Variants in NR6A1 observed in about 807,000 individuals in gnomAD.
The protein encoded by NR6A1 is retinoic acid receptor-related testis-associated receptor.
In NR6A1, 7 loss-of-function variants were observed where a neutral mutation model predicts 59.1. The ratio of observed to expected loss-of-function variants is 0.12; its 90% CI spans 0.07 to 0.22. The LOEUF is 0.22. Among genes scored for constraint, NR6A1 ranks in the 10% least tolerant of loss-of-function variants. The pLI is 1.00. For missense variants in NR6A1, 468 were observed against 611.6 expected (o/e 0.77, Z 2.48); for synonymous variants, 243 against 236.1 (o/e 1.03, Z -0.27).
intron 2 of NR6A1, among the ~76,000 whole-genome samples, chr9:124,555,580 C>T (rs1370077309): frequency 6.6e-6 from 1 of 152,204 alleles, no homozygotes; most frequent in East Asian, 1.9e-4. Context: ...TGCACCACTG[C>T]ATTCCAGCCT....
At chr9:124,711,096 A>G (rs1839266625) in intron 2 of NR6A1, among the ~76,000 whole-genome samples, 1 of 151,698 alleles carries the variant, frequency 6.6e-6, no homozygotes, top group South Asian at 2.1e-4. Context: ...CTATTTGTAC[A>G]TAATAGTCCA....
chr9:124,724,494 G>A (rs1839655847), intron 2 of NR6A1, among the ~76,000 whole-genome samples: 1 of 150,054 alleles, frequency 6.7e-6, no homozygotes, highest in African/African-American at 2.5e-5. Flanking sequence ...TACTTTCCTT[G>A]GGATTATATC....
intron 2 of NR6A1, among the ~76,000 whole-genome samples, chr9:124,630,137 ATC>A: frequency 6.6e-6 from 1 of 151,918 alleles, no homozygotes; most frequent in Admixed American, 6.6e-5. Flanking sequence ...ATCATACAAT[ATC>A]TAGAATTAAA....
intron 2 of NR6A1, chr9:124,599,670 G>A: frequency 9.8e-7 from 1 of 1,022,722 alleles, no homozygotes; most frequent in Non-Finnish European, 1.3e-6. Context: ...TTCCCTCTGC[G>A]TCTGGCCATG....
intron 2 of NR6A1, among the ~76,000 whole-genome samples, chr9:124,632,182 C>A (rs1731709474): frequency 1.3e-5 from 2 of 152,110 alleles, no homozygotes; most frequent in Admixed American, 6.6e-5. Context: ...TGGAAATATG[C>A]CCAGTAATGG....
chr9:124,575,995 GT>G (rs1834579259), intron 2 of NR6A1, among the ~76,000 whole-genome samples: 1 of 152,192 alleles, frequency 6.6e-6, no homozygotes, highest in Non-Finnish European at 1.5e-5. Flanking sequence ...ATTCATCTGA[GT>G]GAGCTTCTAA....
chr9:124,733,380 C>T (rs1437129945), intron 1 of NR6A1, 31 bp from the exon 2 acceptor site: 8 of 1,566,320 alleles, frequency 5.1e-6, no homozygotes, highest in Middle Eastern at 1.7e-4. Context: ...AAAAAAATTA[C>T]AATTTGTGAA....
chr9:124,742,819 T>C (rs1264481993), intron 1 of NR6A1, among the ~76,000 whole-genome samples: 1 of 152,080 alleles, frequency 6.6e-6, no homozygotes, highest in Non-Finnish European at 1.5e-5. Flanking sequence ...GAGGTTGCAG[T>C]GAGCCGAGAT....
chr9:124,734,819 C>G (rs1839976872), intron 1 of NR6A1, among the ~76,000 whole-genome samples: 3 of 152,196 alleles, frequency 2.0e-5, no homozygotes, highest in Admixed American at 2.0e-4. Flanking sequence ...GAGATTCATG[C>G]AGCAGGCCAA....
chr9:124,594,179 T>C (rs1012431685), intron 2 of NR6A1, among the ~76,000 whole-genome samples: 1 of 152,230 alleles, frequency 6.6e-6, no homozygotes, highest in Non-Finnish European at 1.5e-5. Context: ...ATCATTCATT[T>C]TGCTTTATTA....
chr9:124,628,959 C>G (rs548137550), intron 2 of NR6A1, among the ~76,000 whole-genome samples: 9 of 152,312 alleles, frequency 5.9e-5, no homozygotes, highest in South Asian at 2.1e-4. Flanking sequence ...CGCCCCCGGC[C>G]CTGGCCTTTG....
chr9:124,538,177 C>G lies in NR6A1; in HGVS notation c.739G>C (p.Asp247His). The G allele has an allele frequency of 1.2e-6, 2 of 1,614,188 alleles. No homozygotes were observed. The highest frequency in any genetic ancestry group is 1.7e-6 in the Non-Finnish European group (2 of 1,180,012). Residue 247 changes from aspartate (D) to histidine (H), a missense_variant, in exon 6 of 10, where the codon GAT becomes CAT. By Grantham distance (81) the Asp-to-His change is moderately conservative. Coordinates refer to ENST00000487099, the MANE Select transcript of NR6A1 (RefSeq NM_033334.4). The stretch of plus-strand genomic sequence containing the variant: ...TGAATCAGACTGTATGACTGGGGAT[C>G]CAGGCTGCGAGCTTGTTGGGGCAGA... The part of the protein sequence containing the change: ...PLLPQQARSL[D>H]PQSYSLIHQL...
At chr9:124,624,338 G>C (rs1261603261) in intron 2 of NR6A1, among the ~76,000 whole-genome samples, 1 of 152,186 alleles carries the variant, frequency 6.6e-6, no homozygotes, top group African/African-American at 2.4e-5. Context: ...GCAAACCAAA[G>C]CATCCTGTCC....
chr9:124,598,735 C>CT, intron 2 of NR6A1: 1 of 870,556 alleles, frequency 1.1e-6, no homozygotes, highest in Non-Finnish European at 1.8e-6. Context: ...CCTCCTTGGT[C>CT]TTCTCCCTTC....
intron 2 of NR6A1, among the ~76,000 whole-genome samples, chr9:124,617,724 G>C (rs1399157245): frequency 1.3e-5 from 2 of 152,138 alleles, no homozygotes; most frequent in East Asian, 3.8e-4. Context: ...CATTAAGCCT[G>C]GGGAGTGAAG....
intron 1 of NR6A1, among the ~76,000 whole-genome samples, chr9:124,746,088 T>C (rs963788618): frequency 2.0e-5 from 3 of 151,832 alleles, no homozygotes; most frequent in Admixed American, 1.3e-4. Context: ...ACTACCATTC[T>C]CTAAATGACT....
intron 2 of NR6A1, among the ~76,000 whole-genome samples, chr9:124,557,275 C>T (rs1438462052): frequency 6.6e-6 from 1 of 152,064 alleles, no homozygotes; most frequent in Admixed American, 6.6e-5. Flanking sequence ...GCTGGGATTA[C>T]AGGAACGTGC....
At chr9:124,735,474 G>A (rs575076837) in intron 1 of NR6A1, among the ~76,000 whole-genome samples, 30 of 152,280 alleles carry the variant, frequency 2.0e-4, no homozygotes, top group Middle Eastern at 3.4e-3. Context: ...TGAAATGCAG[G>A]ATCAACTAAA....
chr9:124,596,955 C>G (rs1221541521), intron 2 of NR6A1, among the ~76,000 whole-genome samples: 1 of 152,214 alleles, frequency 6.6e-6, no homozygotes, highest in Non-Finnish European at 1.5e-5. Context: ...TATGAAATCT[C>G]CCCTGCCAAT....
Sources: gnomAD v4.1 joint callset for allele counts (sites outside exome capture counted in the v4.1 genomes callset) on GRCh38, gnomAD v4.1.1 for gene constraint, MANE v1.5 for transcripts, NCBI Gene and HGNC (gene_info 2026-07-23, HGNC 2026-07-21) for gene names.